The following TANGO6 variants were observed in gnomAD, a reference collection of about 807,000 sequenced individuals.
The protein encoded by TANGO6 is transport and Golgi organization protein 6 homolog.
TANGO6 carries 90 observed loss-of-function variants against 114.2 expected under a neutral mutation model. The ratio of observed to expected loss-of-function variants is 0.79; its 90% confidence interval spans 0.66 to 0.94. TANGO6 has a LOEUF of 0.94. Ranked by LOEUF, TANGO6 falls within the 40% of genes least tolerant of loss-of-function variation. The pLI is 0.00. For synonymous variants in TANGO6, 477 were observed against 509.8 expected (o/e 0.94, Z 0.87); for missense variants, 1,274 against 1,315.3 (o/e 0.97, Z 0.49).
intron 14 of TANGO6, among the ~76,000 whole-genome samples, chr16:68,942,912 T>TAA (rs1441237316): frequency 0.013 from 1,970 of 151,264 alleles, 50 homozygotes; most frequent in African/African-American, 0.045. Flanking sequence ...ATTTTTTTTT[T>TAA]TTTTTTTGAG....
chr16:69,055,562 G>T (rs1262160362), intron 17 of TANGO6, among the ~76,000 whole-genome samples: 2 of 152,228 alleles, frequency 1.3e-5, no homozygotes, highest in Non-Finnish European at 2.9e-5. Context: ...GCTGGGCCAG[G>T]TGTGGTGTGT....
chr16:69,054,088 G>A (rs1001233960), intron 17 of TANGO6, among the ~76,000 whole-genome samples: 1 of 152,076 alleles, frequency 6.6e-6, no homozygotes, highest in African/African-American at 2.4e-5. Context: ...AAGAATCTTG[G>A]TCTCCCATAG....
At chr16:69,025,167 G>C (rs780982773) in intron 16 of TANGO6, among the ~76,000 whole-genome samples, 1 of 152,216 alleles carries the variant, frequency 6.6e-6, no homozygotes, top group Non-Finnish European at 1.5e-5. Flanking sequence ...CCATGCTGGC[G>C]TGCCCCAGCT....
At chr16:69,057,766 A>T (rs906153102) in intron 17 of TANGO6, among the ~76,000 whole-genome samples, 1 of 152,198 alleles carries the variant, frequency 6.6e-6, no homozygotes, top group African/African-American at 2.4e-5. Flanking sequence ...AGTGATGGGA[A>T]AGTGTTCAGG....
At chr16:69,048,642 T>G (rs1367784130) in intron 17 of TANGO6, among the ~76,000 whole-genome samples, 3 of 152,174 alleles carry the variant, frequency 2.0e-5, no homozygotes, top group Non-Finnish European at 2.9e-5. Context: ...GGCTGAAGCC[T>G]CTTCCTGATA....
chr16:68,880,696 T>G, intron 7 of TANGO6, 66 bp downstream of exon 7: 5 of 1,280,422 alleles, frequency 3.9e-6, no homozygotes, highest in South Asian at 1.7e-5. Flanking sequence ...AAATTTTTTC[T>G]TTTTTTGTAG....
chr16:68,914,121 T>C (rs926470162), intron 11 of TANGO6, among the ~76,000 whole-genome samples: 16 of 152,344 alleles, frequency 1.1e-4, no homozygotes, highest in Middle Eastern at 3.4e-3. Flanking sequence ...TTAATACCTG[T>C]AACATGTTCA....
chr16:68,985,495 A>G (rs1963880821), intron 15 of TANGO6, among the ~76,000 whole-genome samples: 1 of 152,052 alleles, frequency 6.6e-6, no homozygotes, highest in African/African-American at 2.4e-5. Context: ...AGGTCACTTG[A>G]GCCCAGGAGT....
At chr16:68,877,446 C>T (rs982862522) in intron 5 of TANGO6, among the ~76,000 whole-genome samples, 1 of 128,092 alleles carries the variant, frequency 7.8e-6, no homozygotes, top group Non-Finnish European at 1.6e-5. Context: ...CCAGCCTGGG[C>T]GGCAGGGTGA....
At position 68,927,736 on chromosome 16, in the gene TANGO6, A is replaced by G; in HGVS notation, c.2296A>G (p.Thr766Ala). The G allele has an allele frequency of 1.2e-6, 2 of 1,614,026 alleles. No individual in the cohort carries two copies. Among genetic ancestry groups the G allele is most frequent in the South Asian group, 2.2e-5 (2 of 91,074 alleles). ...TEAVSMAAQS[T>A]LNRKDLEGKI... The stretch of plus-strand genomic sequence containing the variant: ...GGCCGTCAGCATGGCTGCCCAAAGT[A>G]CACTGAACAGAAAAGATCTGGAAGG... Residue 766 changes from threonine (T) to alanine (A), a missense_variant, in exon 13 of 18, where the codon ACA (threonine) becomes GCA (alanine). Physicochemically the swap from Thr to Ala is moderately conservative, Grantham distance 58. Around this residue, in one of 5 missense-constraint regions of TANGO6, gnomAD observed 908 missense variants for 910.2 expected, o/e 1.00. Transcript: ENST00000261778.
intron 7 of TANGO6, among the ~76,000 whole-genome samples, chr16:68,882,950 G>A (rs1303611251): frequency 2.0e-5 from 3 of 151,954 alleles, no homozygotes; most frequent in South Asian, 4.2e-4. Flanking sequence ...CCCGGGAGGC[G>A]GAGGTTGCAG....
At chr16:68,920,398 G>A (rs1183835047) in intron 12 of TANGO6, among the ~76,000 whole-genome samples, 1 of 152,224 alleles carries the variant, frequency 6.6e-6, no homozygotes, top group East Asian at 1.9e-4. Flanking sequence ...TTGAGACACT[G>A]ATGGAAGGCT....
chr16:69,070,359 G>C (rs374487777), intron 17 of TANGO6, among the ~76,000 whole-genome samples: 2 of 149,178 alleles, frequency 1.3e-5, no homozygotes, highest in Non-Finnish European at 3.0e-5. Flanking sequence ...GGGGCCAGGC[G>C]CAGTGGCTCA....
rs529356839 is a variant in TANGO6, at chr16:68,850,194, G to A, written c.94+6483G>A. On this transcript the variant is annotated intron_variant, in intron 1 of 17. Coordinates refer to ENST00000261778, the MANE Select transcript of TANGO6 (RefSeq NM_024562.2). ...TCACTATGTTGACCAGTCTGGTCTCGAACTCCTGACCTCGTGATCCACCCA... is the reference window on the plus strand; with the variant it reads ...TCACTATGTTGACCAGTCTGGTCTCAAACTCCTGACCTCGTGATCCACCCA... 2.7e-3 allele frequency among the ~76,000 whole-genome samples: 415 copies of A among 152,010 alleles called. 1 individual carries two copies. The highest frequency in any genetic ancestry group is 0.021 in the Middle Eastern group (6 of 292).
intron 15 of TANGO6, among the ~76,000 whole-genome samples, chr16:69,014,776 T>A (rs1405978696): frequency 6.6e-6 from 1 of 150,922 alleles, no homozygotes; most frequent in Non-Finnish European, 1.5e-5. Flanking sequence ...GCATCTATAG[T>A]CCCACCCTAC....
At chr16:69,005,366 G>A (rs1036423596) in intron 15 of TANGO6, among the ~76,000 whole-genome samples, 3 of 152,228 alleles carry the variant, frequency 2.0e-5, no homozygotes, top group Admixed American at 1.3e-4. Context: ...TAAGGAAGTG[G>A]CCTTCCAGGT....
chr16:68,992,796 C>T (rs941002073), intron 15 of TANGO6, among the ~76,000 whole-genome samples: 11 of 152,252 alleles, frequency 7.2e-5, no homozygotes, highest in East Asian at 3.9e-4. Context: ...TGGCCGGGCA[C>T]GGTGGCTCAC....
intron 1 of TANGO6, among the ~76,000 whole-genome samples, chr16:68,847,399 A>G (rs16958419): frequency 0.015 from 2,253 of 152,246 alleles, 50 homozygotes; most frequent in African/African-American, 0.051. Context: ...CTTTATGGAA[A>G]TGCCTCCAAT....
intron 15 of TANGO6, among the ~76,000 whole-genome samples, chr16:68,984,172 C>T (rs1319404539): frequency 6.6e-6 from 1 of 151,910 alleles, no homozygotes; most frequent in African/African-American, 2.4e-5. Flanking sequence ...GGGAGTTTAG[C>T]ATTCATGGAT....
Sources: gnomAD v4.1 joint callset for allele counts (sites outside exome capture counted in the v4.1 genomes callset) on GRCh38, gnomAD v4.1.1 for gene constraint, gnomAD v4.1.1 regional missense constraint, MANE v1.5 for transcripts, NCBI Gene and HGNC (gene_info 2026-07-23, HGNC 2026-07-21) for gene names.